DOCK4: variants seen among roughly 807,000 people sequenced by gnomAD.
DOCK4 encodes the protein dedicator of cytokinesis 4.
Under a neutral mutation model 268.1 loss-of-function variants are expected in DOCK4, and 97 were observed. The ratio of observed to expected loss-of-function variants is 0.36; its 90% confidence interval spans 0.31 to 0.43. DOCK4 has a LOEUF of 0.43. DOCK4 is among the 20% of genes least tolerant of loss of function. The pLI is 1.00. For synonymous variants in DOCK4, 954 were observed against 887.2 expected (o/e 1.08, Z -1.34); for missense variants, 2,145 against 2,455.7 (o/e 0.87, Z 2.67).
chr7:111,869,508 A>G (rs1335657844), intron 21 of DOCK4, 66 bp downstream of exon 21: 3 of 1,410,984 alleles, frequency 2.1e-6, no homozygotes, highest in Non-Finnish European at 3.0e-6. Flanking sequence ...AGAGGAACCA[A>G]TTAGTTTAAG....
chr7:111,962,685 T>C (rs1207935780), intron 8 of DOCK4, among the ~76,000 whole-genome samples: 1 of 152,200 alleles, frequency 6.6e-6, no homozygotes, highest in Non-Finnish European at 1.5e-5. Context: ...TACTTTCTTT[T>C]TCTTAAATGA....
chr7:111,880,130 T>C (rs1807259100), intron 16 of DOCK4, among the ~76,000 whole-genome samples: 1 of 152,090 alleles, frequency 6.6e-6, no homozygotes, highest in Admixed American at 6.5e-5. Context: ...CCTCAAAGCA[T>C]TTAATAATCA....
chr7:111,808,249 T>G (rs980804741), intron 30 of DOCK4: 6 of 152,268 alleles, frequency 3.9e-5, no homozygotes, highest in African/African-American at 1.4e-4. Context: ...ATTACTGTTT[T>G]CTATGCAACC....
At chr7:111,885,795 C>G (rs765394745) in intron 16 of DOCK4, among the ~76,000 whole-genome samples, 1 of 152,156 alleles carries the variant, frequency 6.6e-6, no homozygotes, top group African/African-American at 2.4e-5. Context: ...GAAATCAGAT[C>G]TGGCCAGAGA....
chr7:111,924,323 GTTACACAT>G (rs1276340216), intron 12 of DOCK4, among the ~76,000 whole-genome samples: 3 of 152,036 alleles, frequency 2.0e-5, no homozygotes, highest in Non-Finnish European at 4.4e-5. Context: ...TATGGAGTGG[GTTACACAT>G]TTACTTTTTT....
Position 111,830,442 on chromosome 7 carries a change from A to AAACAG in DOCK4, c.2835+4145_2835+4146insCTGTT, listed in dbSNP as rs1366761560. Among the ~76,000 whole-genome samples the AAACAG allele has an allele frequency of 2.0e-5, 3 of 152,088 alleles. No homozygotes were observed. The East Asian group carries it at 5.8e-4, about 29-fold the overall frequency. ...CTCATTCTCAAAACAAAACAAAACA[A>AAACAG]AACAAAAAAAACAAGATGACTAATT... On this transcript the variant is annotated intron_variant, in intron 26 of 52. Coordinates refer to ENST00000428084, the MANE Select transcript of DOCK4 (RefSeq NM_001363540.2).
At chr7:111,741,323 T>C in intron 46 of DOCK4, 109 bp from the exon 47 acceptor site, 2 of 1,482,970 alleles carry the variant, frequency 1.3e-6, no homozygotes, top group Non-Finnish European at 1.8e-6. Context: ...CGTTTTGTTT[T>C]CTCCTGTTTG....
chr7:111,835,323 T>C (rs1803154118), intron 25 of DOCK4, among the ~76,000 whole-genome samples: 1 of 152,212 alleles, frequency 6.6e-6, no homozygotes, highest in African/African-American at 2.4e-5. Context: ...TTCATTTCAA[T>C]CTCCTTTTAA....
chr7:112,193,169 ACT>A (rs1820127811), intron 1 of DOCK4, among the ~76,000 whole-genome samples: 1 of 151,996 alleles, frequency 6.6e-6, no homozygotes, highest in South Asian at 2.1e-4. Flanking sequence ...GCATCTGAAG[ACT>A]CTACCTCTTT....
At chr7:112,075,346 A>G (rs576161772) in intron 1 of DOCK4, among the ~76,000 whole-genome samples, 1 of 152,192 alleles carries the variant, frequency 6.6e-6, no homozygotes, top group Non-Finnish European at 1.5e-5. Flanking sequence ...TCTGCAGGCA[A>G]CAGAGAGCTA....
chr7:111,884,330 C>T (rs979071954), intron 16 of DOCK4, among the ~76,000 whole-genome samples: 4 of 152,230 alleles, frequency 2.6e-5, no homozygotes, highest in East Asian at 3.9e-4. Flanking sequence ...GATATTGTAA[C>T]GTAAGGAGCT....
At chr7:111,934,420 C>T (rs1479421957) in intron 12 of DOCK4, among the ~76,000 whole-genome samples, 3 of 151,778 alleles carry the variant, frequency 2.0e-5, no homozygotes, top group African/African-American at 7.3e-5. Context: ...ATCAGCATCA[C>T]TTTCTTTTTT....
At chr7:112,165,049 A>G (rs1817468537) in intron 1 of DOCK4, among the ~76,000 whole-genome samples, 1 of 152,176 alleles carries the variant, frequency 6.6e-6, no homozygotes, top group South Asian at 2.1e-4. Context: ...GCTAGAAGGA[A>G]AAAATTGCCC....
At chr7:112,119,311 A>G (rs115955290) in intron 1 of DOCK4, among the ~76,000 whole-genome samples, 1,512 of 150,676 alleles carry the variant, frequency 0.01, 21 homozygotes, top group African/African-American at 0.032. Flanking sequence ...CCCCCACCCC[A>G]CTGTGGCAGT....
chr7:112,166,362 C>T (rs1817613867), intron 1 of DOCK4, among the ~76,000 whole-genome samples: 1 of 152,168 alleles, frequency 6.6e-6, no homozygotes, highest in Non-Finnish European at 1.5e-5. Flanking sequence ...TAAGTATACA[C>T]ACATGAAACC....
chr7:112,002,670 T>C (rs1488737332), intron 2 of DOCK4, among the ~76,000 whole-genome samples: 1 of 152,176 alleles, frequency 6.6e-6, no homozygotes, highest in Non-Finnish European at 1.5e-5. Context: ...TATAAATTCC[T>C]AGTAAGGAAA....
chr7:112,163,577 A>C (rs1817331271), intron 1 of DOCK4, among the ~76,000 whole-genome samples: 1 of 152,040 alleles, frequency 6.6e-6, no homozygotes, highest in Admixed American at 6.6e-5. Flanking sequence ...TTGACTTATT[A>C]TTTATTTAAT....
At chr7:111,983,862 G>GCACGCGCGCACACACACACACACA (rs1798827027) in intron 7 of DOCK4, among the ~76,000 whole-genome samples, 2 of 138,562 alleles carry the variant, frequency 1.4e-5, no homozygotes, top group African/African-American at 5.6e-5. Context: ...GCGCGCGCGC[G>GCACGCGCGCACACACACACACACA]CACACACACA....
At chr7:112,204,934 G>A (rs931755045) in intron 1 of DOCK4, among the ~76,000 whole-genome samples, 5 of 151,786 alleles carry the variant, frequency 3.3e-5, no homozygotes, top group African/African-American at 9.7e-5. Flanking sequence ...GCAGAACAGG[G>A]CATTATAGGA....
Sources: gnomAD v4.1 joint callset for allele counts (sites outside exome capture counted in the v4.1 genomes callset) on GRCh38, gnomAD v4.1.1 for gene constraint, MANE v1.5 for transcripts, NCBI Gene and HGNC (gene_info 2026-07-23, HGNC 2026-07-21) for gene names.